The following SPINK5 variants were observed in gnomAD, a reference collection of about 807,000 sequenced individuals.
The protein encoded by SPINK5 is serine protease inhibitor Kazal-type 5.
A neutral mutation model predicts 151.8 loss-of-function variants in SPINK5; 125 were observed. The ratio of observed to expected loss-of-function variants is 0.82; its 90% CI spans 0.71 to 0.96. SPINK5 has a LOEUF of 0.96. SPINK5 is among the 40% of genes least tolerant of loss of function. SPINK5 has a pLI of 0.00. For synonymous variants in SPINK5, 374 were observed against 395.3 expected, an observed-to-expected ratio of 0.95 and a Z score of 0.64; for missense variants, 1,194 against 1,291.9, an observed-to-expected ratio of 0.92 and a Z score of 1.16.
rs533651431 is a variant in SPINK5, at chr5:148,118,566, T to A, written c.2240+2T>A. On this transcript the variant is annotated splice_donor_variant, in intron 23 of 32. Transcript: ENST00000256084. LOFTEE classifies it high-confidence loss of function. ...GTGTACCATGTGTAAAGCAAAATTGTAAGTATTTCTCTCAACAGGCATGTC... is the reference window on the plus strand; with the variant it reads ...GTGTACCATGTGTAAAGCAAAATTGAAAGTATTTCTCTCAACAGGCATGTC... 6.2e-7 allele frequency: 1 copy of A among 1,614,078 alleles called. No homozygotes were observed. The highest frequency in any genetic ancestry group is 1.3e-5 in the African/African-American group (1 of 75,056).
chr5:148,115,317 G>A (rs1002316818), intron 21 of SPINK5, among the ~76,000 whole-genome samples: 2 of 152,174 alleles, frequency 1.3e-5, no homozygotes, highest in Non-Finnish European at 2.9e-5. Flanking sequence ...AACCTTGAAT[G>A]CACACCAGAG....
chr5:148,086,496 CAT>C lies in SPINK5; in HGVS notation c.377_378del (p.Tyr126Ter), dbSNP rs751285979. 11 of 1,611,702 alleles carry C rather than the reference CAT, an allele frequency of 6.8e-6. No homozygotes were observed. In the East Asian group the frequency reaches 2.2e-4, roughly 33 times the overall value. On this transcript the variant is annotated frameshift_variant, in exon 5 of 33. Transcript: ENST00000256084. LOFTEE classifies it high-confidence loss of function. ...GCTGTTTGTGGCACAGATGGGAAAA[CAT>C]ATGACAACAGATGTGCACTGTGTGC... is the stretch of plus-strand genomic sequence containing the variant.
chr5:148,093,362 A>T (rs969540365), intron 8 of SPINK5, among the ~76,000 whole-genome samples: 1 of 151,856 alleles, frequency 6.6e-6, no homozygotes, highest in African/African-American at 2.4e-5. Context: ...GGTGGGGGGA[A>T]GTCACTCCTT....
At chr5:148,097,764 T>C (rs1330904814) in intron 10 of SPINK5, 103 bp from the exon 11 acceptor site, 1 of 1,306,882 alleles carries the variant, frequency 7.7e-7, no homozygotes, top group Non-Finnish European at 1.0e-6. Context: ...TTAAAAGTTT[T>C]ATTTTTCATC....
chr5:148,096,391 C>A (rs1465803965), intron 10 of SPINK5, among the ~76,000 whole-genome samples: 1 of 151,938 alleles, frequency 6.6e-6, no homozygotes, highest in Non-Finnish European at 1.5e-5. Flanking sequence ...TTTTCTTTTG[C>A]ATTGACGTAT....
intron 15 of SPINK5, among the ~76,000 whole-genome samples, chr5:148,104,236 G>A (rs1468748016): frequency 6.6e-6 from 1 of 152,152 alleles, no homozygotes; most frequent in Non-Finnish European, 1.5e-5. Context: ...GGAAGGCACA[G>A]AGAGGTTAAG....
At chr5:148,068,598 G>GA (rs1752651596) in intron 2 of SPINK5, among the ~76,000 whole-genome samples, 1 of 110,972 alleles carries the variant, frequency 9.0e-6, no homozygotes. Flanking sequence ...AAGAAAGAAA[G>GA]AAAAAACAAG....
chr5:148,134,104 T>C, intron 32 of SPINK5: 1 of 624,354 alleles, frequency 1.6e-6, no homozygotes, highest in South Asian at 1.6e-5. Context: ...AAATATTTAA[T>C]GGGTCCATTA....
At chr5:148,105,704 C>T (rs1753763228) in intron 16 of SPINK5, among the ~76,000 whole-genome samples, 1 of 151,974 alleles carries the variant, frequency 6.6e-6, no homozygotes, top group South Asian at 2.1e-4. Context: ...GTAACCTCTG[C>T]CGCCCGGGTT....
rs780397656 is a variant in SPINK5 at position 148,114,382 on chromosome 5, G to T, written c.1908G>T (p.Arg636=). ...TTTAGGAGACATGCGATGAATTTCGGAGACTTTTGCAAAATGGAAAACTTT... is the reference window on the plus strand; with the variant it reads ...TTTAGGAGACATGCGATGAATTTCGTAGACTTTTGCAAAATGGAAAACTTT... The part of the protein sequence containing the change: ...EAEKETCDEF[R]RLLQNGKLFC... Residue 636 remains arginine, a synonymous_variant, in exon 21 of 33, where the codon CGG becomes CGT. Coordinates refer to ENST00000256084, the MANE Select transcript of SPINK5 (RefSeq NM_006846.4). 2 of 1,612,896 alleles carry T rather than the reference G, an allele frequency of 1.2e-6. No individual in the cohort carries two copies. The highest frequency in any genetic ancestry group is 2.2e-5 in the East Asian group (1 of 44,822).
intron 30 of SPINK5, among the ~76,000 whole-genome samples, chr5:148,127,848 A>T (rs1754471636): frequency 6.6e-6 from 1 of 152,042 alleles, no homozygotes; most frequent in Non-Finnish European, 1.5e-5. Context: ...ACAGAACAGG[A>T]CCCCACCCTT....
intron 16 of SPINK5, among the ~76,000 whole-genome samples, chr5:148,105,288 ATTAAC>A (rs1194224289): frequency 6.6e-6 from 1 of 152,236 alleles, no homozygotes; most frequent in Non-Finnish European, 1.5e-5. Context: ...TTGTTAGAGT[ATTAAC>A]TTATGCCATT....
At chr5:148,098,909 C>T (rs1753552963) in intron 11 of SPINK5, among the ~76,000 whole-genome samples, 1 of 151,960 alleles carries the variant, frequency 6.6e-6, no homozygotes, top group Non-Finnish European at 1.5e-5. Flanking sequence ...CAGGTTATGC[C>T]ACCATGATTT....
chr5:148,075,288 T>C (rs1009571125), intron 4 of SPINK5, among the ~76,000 whole-genome samples: 5 of 151,720 alleles, frequency 3.3e-5, no homozygotes, highest in Middle Eastern at 3.4e-3. Context: ...GAATATGTGT[T>C]GCTTATTATT....
chr5:148,084,999 T>C (rs1385520905), intron 4 of SPINK5, among the ~76,000 whole-genome samples: 1 of 151,886 alleles, frequency 6.6e-6, no homozygotes, highest in Non-Finnish European at 1.5e-5. Context: ...TTTTATTTTA[T>C]ATTTTCTGTG....
chr5:148,077,190 TAA>T (rs11322859), intron 4 of SPINK5, among the ~76,000 whole-genome samples: 22 of 142,354 alleles, frequency 1.5e-4, no homozygotes, highest in East Asian at 4.1e-4. Context: ...AATGTTGAAA[TAA>T]AAAAAAAAAA....
intron 17 of SPINK5, among the ~76,000 whole-genome samples, chr5:148,108,126 G>C (rs1303086045): frequency 1.3e-5 from 2 of 152,148 alleles, no homozygotes; most frequent in South Asian, 2.1e-4. Flanking sequence ...ACTAAATGTA[G>C]TAAATGCTAA....
At chr5:148,131,521 T>A (rs1243505744) in intron 31 of SPINK5, 132 bp downstream of exon 31, 1 of 1,319,606 alleles carries the variant, frequency 7.6e-7, no homozygotes, top group African/African-American at 1.5e-5. Flanking sequence ...AGTTAAAAAT[T>A]CAAAATTTGT....
chr5:148,063,997 T>G lies in SPINK5; in HGVS notation c.-48T>G. On this transcript the variant is annotated 5_prime_UTR_variant, in exon 1 of 33. Coordinates refer to ENST00000256084, the MANE Select transcript of SPINK5 (RefSeq NM_006846.4). Reference sequence around the variant, plus strand: ...CCGAGTTCAGTCATACTGCACCAGCTGAGCAATGCATGGAGTGGACCTGTA... The same window carrying G: ...CCGAGTTCAGTCATACTGCACCAGCGGAGCAATGCATGGAGTGGACCTGTA... 6.2e-7 allele frequency: 1 copy of G among 1,605,832 alleles called. No individual in the cohort carries two copies. The highest frequency in any genetic ancestry group is 8.5e-7 in the Non-Finnish European group (1 of 1,172,534).
Sources: gnomAD v4.1 joint callset for allele counts (sites outside exome capture counted in the v4.1 genomes callset) on GRCh38, gnomAD v4.1.1 for gene constraint, MANE v1.5 for transcripts, NCBI Gene and HGNC (gene_info 2026-07-23, HGNC 2026-07-21) for gene names.